Variants in ARHGAP10 observed in about 807,000 individuals in gnomAD.
ARHGAP10 encodes the protein rho GTPase-activating protein 10.
A neutral mutation model predicts 108.6 loss-of-function variants in ARHGAP10; 87 were observed. The ratio of observed to expected loss-of-function variants is 0.80; its 90% CI spans 0.67 to 0.96. The LOEUF (loss-of-function observed/expected upper bound fraction) is 0.96, where lower values mean the gene tolerates loss of function less well. Among genes scored for constraint, ARHGAP10 ranks in the 40% least tolerant of loss-of-function variants. The pLI, the probability that ARHGAP10 is intolerant of heterozygous loss-of-function variation, is 0.00. For synonymous variants in ARHGAP10, 347 were observed against 341.1 expected, an observed-to-expected ratio of 1.02 and a Z score of -0.19; for missense variants, 939 against 954.5, an observed-to-expected ratio of 0.98 and a Z score of 0.21.
At chr4:147,766,183 A>G (rs6840039) in intron 1 of ARHGAP10, among the ~76,000 whole-genome samples, 113,382 of 151,892 alleles carry the variant, frequency 0.75, 48,241 homozygotes, top group Non-Finnish European at 0.93. Flanking sequence ...CCAGCTACTC[A>G]GGAGCCTGAG....
intron 13 of ARHGAP10, among the ~76,000 whole-genome samples, chr4:147,915,895 A>G (rs1736960746): frequency 6.6e-6 from 1 of 152,126 alleles, no homozygotes; most frequent in Non-Finnish European, 1.5e-5. Context: ...CTTGAGCCCA[A>G]GAGTTCAAGA....
intron 18 of ARHGAP10, among the ~76,000 whole-genome samples, chr4:147,972,082 C>T (rs1210130353): frequency 6.6e-6 from 1 of 152,078 alleles, no homozygotes; most frequent in Non-Finnish European, 1.5e-5. Flanking sequence ...TTCAGTTTGT[C>T]ACATGGTGAA....
intron 18 of ARHGAP10, among the ~76,000 whole-genome samples, chr4:147,982,546 CTTTTTTTT>C (rs753773443): frequency 3.0e-5 from 2 of 66,278 alleles, no homozygotes; most frequent in African/African-American, 7.1e-5. Context: ...CCAGCTAAAT[CTTTTTTTT>C]TTTTTTTTTT....
chr4:147,961,555 A>G (rs933059788), intron 16 of ARHGAP10, among the ~76,000 whole-genome samples: 2 of 151,990 alleles, frequency 1.3e-5, no homozygotes, highest in Non-Finnish European at 2.9e-5. Flanking sequence ...AAGGAAAACT[A>G]TTATCCTTTT....
At chr4:147,771,693 A>G (rs929923345) in intron 1 of ARHGAP10, among the ~76,000 whole-genome samples, 2 of 152,242 alleles carry the variant, frequency 1.3e-5, no homozygotes, top group Non-Finnish European at 2.9e-5. Flanking sequence ...CTATCCAAGT[A>G]TAAACAGTAA....
Position 147,848,401 on chromosome 4 carries a change from GT to G in ARHGAP10, c.384+1180del, listed in dbSNP as rs1194004903. ...TTGCCGTGCTGCAGGCAGCTGGGTTGTCCCCTCTGGCTTTGCAGCAGGAGAT... is the reference window on the plus strand; with the variant it reads ...TTGCCGTGCTGCAGGCAGCTGGGTTGCCCCTCTGGCTTTGCAGCAGGAGAT... On this transcript the variant is annotated intron_variant, in intron 4 of 22. Transcript: ENST00000336498. 2.6e-5 allele frequency among the ~76,000 whole-genome samples: 4 copies of G among 152,244 alleles called. No homozygotes were observed. The East Asian group carries it at 5.8e-4, about 22-fold the overall frequency.
chr4:147,834,242 G>A (rs935167459), intron 3 of ARHGAP10, among the ~76,000 whole-genome samples: 5 of 152,136 alleles, frequency 3.3e-5, no homozygotes, highest in Admixed American at 2.0e-4. Context: ...GGTGAGGCAC[G>A]AGGATTGCTT....
intron 10 of ARHGAP10, among the ~76,000 whole-genome samples, chr4:147,905,866 C>T (rs1457347645): frequency 2.6e-5 from 4 of 152,218 alleles, no homozygotes; most frequent in Admixed American, 2.6e-4. Flanking sequence ...TATCCATGAG[C>T]ATGGAATGTT....
intron 1 of ARHGAP10, among the ~76,000 whole-genome samples, chr4:147,768,028 A>G (rs1027134065): frequency 1.2e-4 from 19 of 152,226 alleles, no homozygotes; most frequent in Admixed American, 3.3e-4. Context: ...TGAAACATAT[A>G]TTTGTTAATG....
At chr4:147,894,897 A>G (rs1489440233) in intron 10 of ARHGAP10, among the ~76,000 whole-genome samples, 1 of 152,208 alleles carries the variant, frequency 6.6e-6, no homozygotes, top group African/African-American at 2.4e-5. Flanking sequence ...TTCTTTTGCC[A>G]GTAACACACT....
At chr4:147,774,771 C>T (rs1192996891) in intron 1 of ARHGAP10, among the ~76,000 whole-genome samples, 1 of 152,122 alleles carries the variant, frequency 6.6e-6, no homozygotes, top group Non-Finnish European at 1.5e-5. Context: ...CCTCTTGGGG[C>T]AAAGATTCTT....
In ARHGAP10 at chr4:147,822,770, C is replaced by T; in HGVS notation, c.198C>T (p.Asp66=). 1 of 1,614,212 alleles carries T rather than the reference C, an allele frequency of 6.2e-7. No individual in the cohort carries two copies. The change falls in exon 2 of 23, where the codon GAC becomes GAT. Residue 66 remains aspartate, a synonymous_variant. Coordinates refer to ENST00000336498, the MANE Select transcript of ARHGAP10 (RefSeq NM_024605.4). ...GGAAGTTTGCTCATTCACTCAGAGACTTTAAGTTTGAGTTTATCGGTGATG... is the reference window on the plus strand; with the variant it reads ...GGAAGTTTGCTCATTCACTCAGAGATTTTAAGTTTGAGTTTATCGGTGATG... ...AQRKFAHSLR[D]FKFEFIGDAV... is the part of the protein sequence containing the mutation.
At chr4:147,936,379 A>AC (rs1737938848) in intron 13 of ARHGAP10, among the ~76,000 whole-genome samples, 1 of 116,652 alleles carries the variant, frequency 8.6e-6, no homozygotes, top group South Asian at 3.0e-4. Flanking sequence ...TGGACTGCGG[A>AC]CTGCAGTGGC....
rs1158566824 is a variant in ARHGAP10, at chr4:147,843,036, A to G, written c.313-4115A>G. 2.0e-5 allele frequency among the ~76,000 whole-genome samples: 3 copies of G among 152,290 alleles called. No individual in the cohort carries two copies. The East Asian group carries it at 5.8e-4, about 29-fold the overall frequency. On this transcript the variant is annotated intron_variant, in intron 3 of 22. Coordinates refer to ENST00000336498, the MANE Select transcript of ARHGAP10 (RefSeq NM_024605.4). ...CTCTCTGCAAGTGACCTTGTTTTGT[A>G]CTTTATGGAAAAAATAGCCATTTGG...
intron 13 of ARHGAP10, among the ~76,000 whole-genome samples, chr4:147,931,215 G>C (rs1578702781): frequency 6.6e-6 from 1 of 151,880 alleles, no homozygotes; most frequent in Admixed American, 6.6e-5. Context: ...ATTTTGCCCA[G>C]AGACAGCTGT....
intron 20 of ARHGAP10, among the ~76,000 whole-genome samples, chr4:148,052,272 C>G (rs35131588): frequency 6.6e-6 from 1 of 150,428 alleles, no homozygotes; most frequent in East Asian, 2.0e-4. Flanking sequence ...GCTTCCTCAA[C>G]CCCAGCACTC....
At position 147,874,964 on chromosome 4, in the gene ARHGAP10, C is replaced by G. The variant is rs894442989; in HGVS notation, c.703-57C>G. 33 of 1,436,080 alleles carry G rather than the reference C, an allele frequency of 2.3e-5. No individual in the cohort carries two copies. In the African/African-American group the frequency reaches 4.3e-4, roughly 19 times the overall value. 89.0% of individuals were successfully genotyped at this position (1,436,080 alleles called of 1,614,324 possible). ...ATTTATGCAGAGACTTTAAAATGTT[C>G]ATGAGAAAACTCATATGAGAACTTA... is the stretch of plus-strand genomic sequence containing the variant. On this transcript the variant is annotated intron_variant, in intron 7 of 22. Transcript: ENST00000336498.
At chr4:147,976,075 C>G (rs866361495) in intron 18 of ARHGAP10, among the ~76,000 whole-genome samples, 1 of 152,204 alleles carries the variant, frequency 6.6e-6, no homozygotes, top group African/African-American at 2.4e-5. Context: ...CCTGTGGCTA[C>G]AAACACAATA....
intron 1 of ARHGAP10, among the ~76,000 whole-genome samples, chr4:147,779,541 A>G (rs1313520622): frequency 6.6e-6 from 1 of 152,126 alleles, no homozygotes; most frequent in Admixed American, 6.6e-5. Flanking sequence ...TGCATTTGGG[A>G]GAGAGAATTG....
Sources: allele counts gnomAD v4.1 joint callset (sites outside exome capture counted in the v4.1 genomes callset), GRCh38; gene constraint gnomAD v4.1.1; transcripts MANE v1.5; gene names NCBI Gene and HGNC (gene_info 2026-07-23, HGNC 2026-07-21).